Variants in ARRDC2 observed in about 807,000 individuals in gnomAD.
ARRDC2 encodes the protein arrestin domain-containing protein 2.
In ARRDC2, 39 loss-of-function variants were observed where a neutral mutation model predicts 38.9. The ratio of observed to expected loss-of-function variants is 1.00; its 90% confidence interval spans 0.78 to 1.31. ARRDC2 has a LOEUF of 1.31. Ranked by LOEUF, ARRDC2 falls within the 50% of genes most tolerant of loss-of-function variation. The probability of loss-of-function intolerance (pLI) is 0.00; values close to 1 mark genes in which losing one functional copy is unlikely to be tolerated. For synonymous variants in ARRDC2, 300 were observed against 261.9 expected, an observed-to-expected ratio of 1.15 and a Z score of -1.41; for missense variants, 553 against 588.4, an observed-to-expected ratio of 0.94 and a Z score of 0.62.
rs1269570354 is a variant in ARRDC2 at position 18,012,901 on chromosome 19, C to T, written c.1171-12C>T. 3 of 1,612,642 alleles carry T rather than the reference C, an allele frequency of 1.9e-6. No individual in the cohort carries two copies. The highest frequency in any genetic ancestry group is 3.3e-5 in the Admixed American group (2 of 59,856). On this transcript the variant is annotated splice_polypyrimidine_tract_variant and intron_variant, in intron 7 of 7. Transcript: ENST00000222250. The stretch of plus-strand genomic sequence containing the variant: ...AGTGTTCTCTGAGGCTTAATGGGAA[C>T]ATTTCTCTTAGGAGGATCCAAACCC...
chr19:18,010,506 G>C (rs928846090), intron 6 of ARRDC2, 66 bp from the exon 7 acceptor site: 1 of 1,580,482 alleles, frequency 6.3e-7, no homozygotes, highest in African/African-American at 1.4e-5. Flanking sequence ...GCCAGCTCCT[G>C]GCCCCTGGTC....
At position 18,013,089 on chromosome 19, in the gene ARRDC2, A is replaced by C; in HGVS notation, c.*123A>C. 9.5e-7 allele frequency: 1 copy of C among 1,056,960 alleles called. No individual in the cohort carries two copies. Among genetic ancestry groups the C allele is most frequent in the Non-Finnish European group, 1.4e-6 (1 of 721,438 alleles). 65.5% of individuals were successfully genotyped at this position (1,056,960 alleles called of 1,614,324 possible). A position where few individuals can be genotyped will look rare whatever the true frequency, so the allele number is the denominator to read the frequency against. ...CATCAAAGTTGGGGAACCAAGTCTCAGAGTGAGGCGGGGGCCTTTCGGATA... is the reference window on the plus strand; with the variant it reads ...CATCAAAGTTGGGGAACCAAGTCTCCGAGTGAGGCGGGGGCCTTTCGGATA... On this transcript the variant is annotated 3_prime_UTR_variant, in exon 8 of 8. Transcript: ENST00000222250.
At chr19:18,010,476 C>T (rs2033389692) in intron 6 of ARRDC2, 96 bp from the exon 7 acceptor site, 3 of 1,555,934 alleles carry the variant, frequency 1.9e-6, no homozygotes, top group Non-Finnish European at 1.7e-6. Flanking sequence ...TACAGCCTGG[C>T]AGCCCCAGAG....
chr19:18,012,194 G>A (rs1420320419), intron 7 of ARRDC2, among the ~76,000 whole-genome samples: 1 of 151,108 alleles, frequency 6.6e-6, no homozygotes, highest in Admixed American at 6.6e-5. Context: ...CCTGACCTCA[G>A]GTGATCTGCC....
At chr19:18,001,684 T>C in intron 1 of ARRDC2, 1 of 1,194,238 alleles carries the variant, frequency 8.4e-7, no homozygotes, top group Non-Finnish European at 1.1e-6. Flanking sequence ...GTGATCCTTT[T>C]CAAGGAGGGG....
chr19:18,005,988 G>C (rs1465554574), upstream of ARRDC2, among the ~76,000 whole-genome samples: 1 of 151,322 alleles, frequency 6.6e-6, no homozygotes, highest in African/African-American at 2.4e-5. Flanking sequence ...CATCCCAGAC[G>C]GGGCGGCGGG....
intron 1 of ARRDC2, among the ~76,000 whole-genome samples, chr19:18,003,116 A>C (rs777652809): frequency 6.6e-6 from 1 of 151,694 alleles, no homozygotes; most frequent in Non-Finnish European, 1.5e-5. Context: ...AAAAACAAAA[A>C]CAAATAAACA....
chr19:18,006,134 C>G (rs953274010), upstream of ARRDC2, among the ~76,000 whole-genome samples: 1 of 151,346 alleles, frequency 6.6e-6, no homozygotes, highest in Non-Finnish European at 1.5e-5. Flanking sequence ...ACGCTCCTCA[C>G]TTTCCAGACT....
In ARRDC2 at chr19:18,013,996, C is replaced by G. The variant is rs778144759; in HGVS notation, c.*1030C>G. The G allele has an allele frequency of 6.6e-6, 1 of 152,092 alleles. No homozygotes were observed. Among genetic ancestry groups the G allele is most frequent in the Non-Finnish European group, 1.5e-5 (1 of 68,002 alleles). 9.4% of individuals were successfully genotyped at this position (152,092 alleles called of 1,614,324 possible). ...AGCTCCCAACTGCAGAGTCCCAGCC[C>G]TGGCTGGGGCAGGGCCCCGGCCTGG... On this transcript the variant is annotated 3_prime_UTR_variant, in exon 8 of 8. Coordinates refer to ENST00000222250, the MANE Select transcript of ARRDC2 (RefSeq NM_015683.2).
intron 6 of ARRDC2, 51 bp from the exon 7 acceptor site, chr19:18,010,521 G>T: frequency 6.3e-7 from 1 of 1,597,002 alleles, no homozygotes; most frequent in Non-Finnish European, 8.6e-7. Context: ...CTGGTCCCTT[G>T]GAGCAGGGCT....
upstream of ARRDC2, chr19:18,008,160 A>T (rs951232672): frequency 5.5e-6 from 5 of 903,618 alleles, no homozygotes; most frequent in Non-Finnish European, 5.6e-6. Context: ...GCGCCGACGC[A>T]CGGCGCGGGG....
chr19:18,008,670 A>G (rs2033335992), intron 1 of ARRDC2, 41 bp from the exon 2 acceptor site: 2 of 1,609,486 alleles, frequency 1.2e-6, no homozygotes. Context: ...CTGGGACCCC[A>G]GCGCAACCGC....
At chr19:18,005,347 T>C (rs1384774661), upstream of ARRDC2, among the ~76,000 whole-genome samples, 3 of 152,106 alleles carry the variant, frequency 2.0e-5, no homozygotes, top group Non-Finnish European at 2.9e-5. Context: ...CAGAAGAATT[T>C]TTCTTAGTAC....
chr19:18,005,198 G>A (rs1293022008), upstream of ARRDC2, among the ~76,000 whole-genome samples: 4 of 151,770 alleles, frequency 2.6e-5, no homozygotes, highest in East Asian at 7.7e-4. Context: ...GACTCTTAAC[G>A]AGCATGCTGC....
At chr19:18,003,628 TTTTG>T (rs377673678), upstream of ARRDC2, among the ~76,000 whole-genome samples, 10,930 of 148,728 alleles carry the variant, frequency 0.073, 401 homozygotes, top group East Asian at 0.14. Flanking sequence ...GCTGGCTAAT[TTTTG>T]TTTGTTTGTT....
Position 18,008,574 on chromosome 19 carries a change from C to A in ARRDC2, c.264C>A (p.Leu88=), listed in dbSNP as rs1305506754. 1.3e-6 allele frequency: 2 copies of A among 1,585,024 alleles called. No homozygotes were observed. The highest frequency in any genetic ancestry group is 1.8e-5 in the Admixed American group (1 of 56,790). The part of the protein sequence containing the change: ...RVEVVSHRAT[L]LAPDTGETTT... ...AGGTCGTGAGCCACCGCGCCACGCT[C>A]CTGGCGCCAGGTACGGATGGAGGAC... Residue 88 remains leucine, a synonymous_variant, in exon 1 of 8, where the codon CTC becomes CTA. Coordinates refer to ENST00000222250, the MANE Select transcript of ARRDC2 (RefSeq NM_015683.2).
At chr19:18,001,855 T>G (rs893474494) in intron 1 of ARRDC2, among the ~76,000 whole-genome samples, 1 of 152,114 alleles carries the variant, frequency 6.6e-6, no homozygotes, top group African/African-American at 2.4e-5. Context: ...GGAAGATCGC[T>G]TGAGCCTGGG....
upstream of ARRDC2, among the ~76,000 whole-genome samples, chr19:18,006,193 G>A (rs2033274371): frequency 6.6e-6 from 1 of 151,708 alleles, no homozygotes. Context: ...TGGGCGGTCA[G>A]GCAGAGACGC....
chr19:18,001,593 G>C, intron 1 of ARRDC2: 1 of 1,304,374 alleles, frequency 7.7e-7, no homozygotes, highest in Non-Finnish European at 9.8e-7. Flanking sequence ...TCGTCGCGCC[G>C]CCCCCGCAGC....
Sources: allele counts gnomAD v4.1 joint callset (sites outside exome capture counted in the v4.1 genomes callset), GRCh38; gene constraint gnomAD v4.1.1; transcripts MANE v1.5; gene names NCBI Gene and HGNC (gene_info 2026-07-23, HGNC 2026-07-21).